The following RAPGEF2 variants were observed in gnomAD, a reference collection of about 807,000 sequenced individuals.
RAPGEF2 encodes the protein PDZ domain containing guanine nucleotide exchange factor (GEF) 1.
In RAPGEF2, 54 loss-of-function variants were observed where a neutral mutation model predicts 186.7. That is an observed-to-expected ratio of 0.29 (90% CI 0.23 to 0.36). RAPGEF2 has a LOEUF of 0.36. Among genes scored for constraint, RAPGEF2 ranks in the 10% least tolerant of loss-of-function variants. RAPGEF2 has a pLI of 1.00. For missense variants in RAPGEF2, 1,532 were observed against 2,045.0 expected, an observed-to-expected ratio of 0.75 and a Z score of 4.84; for synonymous variants, 712 against 705.9, an observed-to-expected ratio of 1.01 and a Z score of -0.14.
chr4:159,137,880 A>C (rs776732998), intron 1 of RAPGEF2, among the ~76,000 whole-genome samples: 5 of 152,168 alleles, frequency 3.3e-5, no homozygotes, highest in Non-Finnish European at 7.4e-5. Context: ...ATCCTGTTTG[A>C]ATTGATTTAA....
At position 159,186,703 on chromosome 4, in the gene RAPGEF2, A is replaced by G. The variant is rs1022935643; in HGVS notation, c.131A>G (p.His44Arg). ...GMEALSNLREHQLRLMCETVR... is the reference protein window; with the variant it reads ...GMEALSNLRERQLRLMCETVR... ...GAAGCCTTATCAAACTTGAGGGAGC[A>G]TCAACTTAGGTATGTCATTTTAATA... Residue 44 changes from histidine (H) to arginine (R), a missense_variant, in exon 2 of 30, where the codon CAT (histidine) becomes CGT (arginine). This residue lies in a region of RAPGEF2 where 810 missense variants were observed against 1,210.5 expected (regional missense o/e 0.67). Coordinates refer to ENST00000691494, the MANE Select transcript of RAPGEF2 (RefSeq NM_001394067.2). The G allele has an allele frequency of 1.4e-6, 2 of 1,458,114 alleles. No individual in the cohort carries two copies. Among genetic ancestry groups the G allele is most frequent in the Non-Finnish European group, 1.8e-6 (2 of 1,084,678 alleles). The allele number at this position is 1,458,114 out of a possible 1,614,324, so 90.3% of individuals were successfully genotyped here. A position where few individuals can be genotyped will look rare whatever the true frequency, so the allele number is the denominator to read the frequency against.
chr4:159,341,058 G>A (rs1390995296), intron 19 of RAPGEF2, among the ~76,000 whole-genome samples: 1 of 152,154 alleles, frequency 6.6e-6, no homozygotes, highest in Non-Finnish European at 1.5e-5. Context: ...CAAATAGAGG[G>A]AAGTAGCTTA....
intron 20 of RAPGEF2, among the ~76,000 whole-genome samples, chr4:159,342,210 T>C (rs1729566664): frequency 6.6e-6 from 1 of 152,144 alleles, no homozygotes; most frequent in Non-Finnish European, 1.5e-5. Flanking sequence ...GATTTGGAGC[T>C]CAGAAAATCT....
intron 1 of RAPGEF2, among the ~76,000 whole-genome samples, chr4:159,181,436 C>T (rs915367194): frequency 6.6e-6 from 1 of 152,084 alleles, no homozygotes; most frequent in Non-Finnish European, 1.5e-5. Context: ...TGCAAATAGT[C>T]TTTTTGCTTA....
Position 159,119,032 on chromosome 4 carries a change from C to T in RAPGEF2, c.69+14801C>T, listed in dbSNP as rs561943277. On this transcript the variant is annotated intron_variant, in intron 1 of 29. Coordinates refer to ENST00000691494, the MANE Select transcript of RAPGEF2 (RefSeq NM_001394067.2). ...CATCGTTGGTTTAATGACTGATTCA[C>T]TAAAGTGATTTTAATATGTTGATTT... 5.3e-5 allele frequency among the ~76,000 whole-genome samples: 8 copies of T among 152,228 alleles called. No homozygotes were observed. In the East Asian group the frequency reaches 1.5e-3, roughly 29 times the overall value.
chr4:159,193,179 A>G (rs553243348), intron 2 of RAPGEF2, 21 bp from the exon 3 acceptor site: 46 of 1,447,672 alleles, frequency 3.2e-5, no homozygotes, highest in South Asian at 8.8e-5. Flanking sequence ...TGTTGAACTC[A>G]TGTTTTTATC....
At chr4:159,324,087 G>C (rs1050144333) in intron 11 of RAPGEF2, among the ~76,000 whole-genome samples, 3 of 151,630 alleles carry the variant, frequency 2.0e-5, no homozygotes, top group Non-Finnish European at 1.5e-5. Flanking sequence ...AGTAGAGATG[G>C]GGTTTCACCA....
intron 1 of RAPGEF2, among the ~76,000 whole-genome samples, chr4:159,113,955 A>G (rs1022833021): frequency 2.6e-5 from 4 of 151,438 alleles, no homozygotes; most frequent in Non-Finnish European, 5.9e-5. Flanking sequence ...AGTAACGTTT[A>G]TTTTATTTTA....
At chr4:159,178,429 G>A (rs548080097) in intron 1 of RAPGEF2, among the ~76,000 whole-genome samples, 1 of 151,886 alleles carries the variant, frequency 6.6e-6, no homozygotes, top group Non-Finnish European at 1.5e-5. Flanking sequence ...CTAGTTGTAA[G>A]TGAATTGTAA....
chr4:159,186,910 A>G (rs1270663335), intron 2 of RAPGEF2, among the ~76,000 whole-genome samples, 198 bp downstream of exon 2: 1 of 152,106 alleles, frequency 6.6e-6, no homozygotes, highest in Non-Finnish European at 1.5e-5. Flanking sequence ...CATCACTTCA[A>G]ACGTTTATCA....
chr4:159,357,764 GT>G (rs1182432844), intron 29 of RAPGEF2, among the ~76,000 whole-genome samples: 1 of 152,120 alleles, frequency 6.6e-6, no homozygotes, highest in Non-Finnish European at 1.5e-5. Context: ...CTATTAAAAT[GT>G]TGTTATATAT....
chr4:159,156,680 C>T (rs1419403366), intron 1 of RAPGEF2, among the ~76,000 whole-genome samples: 1 of 152,122 alleles, frequency 6.6e-6, no homozygotes, highest in South Asian at 2.1e-4. Context: ...TGATGTTCCC[C>T]GCCCTGTATC....
intron 8 of RAPGEF2, among the ~76,000 whole-genome samples, chr4:159,312,278 G>C (rs1764037783): frequency 6.6e-6 from 1 of 152,010 alleles, no homozygotes; most frequent in African/African-American, 2.4e-5. Flanking sequence ...TGTTTATATA[G>C]AGAACTGATA....
intron 1 of RAPGEF2, among the ~76,000 whole-genome samples, chr4:159,136,548 G>A (rs1741744392): frequency 6.6e-6 from 1 of 152,056 alleles, no homozygotes; most frequent in Non-Finnish European, 1.5e-5. Flanking sequence ...GGGATTTCAG[G>A]CTACTATGCT....
intron 1 of RAPGEF2, among the ~76,000 whole-genome samples, chr4:159,142,246 G>A (rs187329451): frequency 3.3e-5 from 5 of 152,048 alleles, no homozygotes; most frequent in Admixed American, 1.3e-4. Flanking sequence ...TTTTGTTGTC[G>A]TCAGAAGTTA....
At chr4:159,132,962 T>C (rs1340697588) in intron 1 of RAPGEF2, among the ~76,000 whole-genome samples, 2 of 152,016 alleles carry the variant, frequency 1.3e-5, no homozygotes, top group African/African-American at 4.8e-5. Context: ...CTCCCACACC[T>C]GCCTAACTCC....
At chr4:159,107,862 T>A (rs982648739) in intron 1 of RAPGEF2, among the ~76,000 whole-genome samples, 1 of 152,234 alleles carries the variant, frequency 6.6e-6, no homozygotes, top group East Asian at 1.9e-4. Flanking sequence ...AAATTTTCCA[T>A]TTGAGTTTCT....
At chr4:159,220,706 C>T (rs1216281819) in intron 4 of RAPGEF2, among the ~76,000 whole-genome samples, 1 of 152,162 alleles carries the variant, frequency 6.6e-6, no homozygotes, top group African/African-American at 2.4e-5. Context: ...GTATTCCTGT[C>T]AGGATTAATC....
At chr4:159,292,828 TA>T (rs1761416142) in intron 7 of RAPGEF2, among the ~76,000 whole-genome samples, 1 of 152,208 alleles carries the variant, frequency 6.6e-6, no homozygotes, top group South Asian at 2.1e-4. Context: ...TGTGTCTTGA[TA>T]TTTGAGTAGA....
Sources: gnomAD v4.1 joint callset for allele counts (sites outside exome capture counted in the v4.1 genomes callset) on GRCh38, gnomAD v4.1.1 for gene constraint, gnomAD v4.1.1 regional missense constraint, MANE v1.5 for transcripts, NCBI Gene and HGNC (gene_info 2026-07-23, HGNC 2026-07-21) for gene names.